The following SLC4A8 variants were observed in gnomAD, a reference collection of about 807,000 sequenced individuals.
The protein encoded by SLC4A8 is solute carrier family 4 member 8, also known as electroneutral sodium bicarbonate exchanger 1.
In SLC4A8, 40 loss-of-function variants were observed where a neutral mutation model predicts 125.0. The ratio of observed to expected loss-of-function variants is 0.32; its 90% CI spans 0.25 to 0.42. The LOEUF is 0.42. Among genes scored for constraint, SLC4A8 ranks in the 10% least tolerant of loss-of-function variants. The pLI, the probability that SLC4A8 is intolerant of heterozygous loss-of-function variation, is 1.00. For missense variants in SLC4A8, 863 were observed against 1,355.1 expected, an observed-to-expected ratio of 0.64 and a Z score of 5.70; for synonymous variants, 456 against 476.0, an observed-to-expected ratio of 0.96 and a Z score of 0.55.
chr12:51,463,410 G>GGGGTGTGTGT (rs898348326), intron 10 of SLC4A8, among the ~76,000 whole-genome samples: 4 of 144,028 alleles, frequency 2.8e-5, no homozygotes, highest in African/African-American at 1.0e-4. Flanking sequence ...GAAATTATGG[G>GGGGTGTGTGT]GTGTGTGTGT....
chr12:51,423,371 G>A (rs1481629480), upstream of SLC4A8, among the ~76,000 whole-genome samples: 1 of 152,146 alleles, frequency 6.6e-6, no homozygotes, highest in Non-Finnish European at 1.5e-5. Context: ...TAACTTTGAA[G>A]GATGGTTAAG....
intron 4 of SLC4A8, among the ~76,000 whole-genome samples, 189 bp from the exon 5 acceptor site, chr12:51,453,350 A>G (rs1241258568): frequency 1.3e-5 from 2 of 152,232 alleles, no homozygotes; most frequent in Non-Finnish European, 2.9e-5. Flanking sequence ...GAATTAAACT[A>G]TACTCAATCT....
At chr12:51,399,734 A>G (rs991929796) in intron 1 of SLC4A8, among the ~76,000 whole-genome samples, 2 of 152,194 alleles carry the variant, frequency 1.3e-5, no homozygotes, top group African/African-American at 4.8e-5. Flanking sequence ...TTGTAATCCC[A>G]GCTCTTTGGA....
At chr12:51,480,203 T>A (rs1950983666) in intron 16 of SLC4A8, 1 of 1,197,496 alleles carries the variant, frequency 8.4e-7, no homozygotes, top group African/African-American at 1.6e-5. Flanking sequence ...CCTCCCAAAA[T>A]GCTGGGATTA....
At chr12:51,480,942 G>A (rs1270342646) in intron 16 of SLC4A8, among the ~76,000 whole-genome samples, 1 of 152,216 alleles carries the variant, frequency 6.6e-6, no homozygotes, top group African/African-American at 2.4e-5. Flanking sequence ...GCAGTTCATA[G>A]TGAGAACACC....
intron 1 of SLC4A8, among the ~76,000 whole-genome samples, chr12:51,394,501 C>T (rs996419293): frequency 1.3e-5 from 2 of 152,184 alleles, no homozygotes; most frequent in African/African-American, 2.4e-5. Context: ...TTTCTGCCTC[C>T]GCTGGTACAG....
At position 51,466,729 on chromosome 12, in the gene SLC4A8, A is replaced by G. The variant is rs181747225; in HGVS notation, c.1350-2885A>G. Among the ~76,000 whole-genome samples the G allele has an allele frequency of 1.6e-4, 24 of 152,306 alleles. 1 individual carries two copies. In the East Asian group the frequency reaches 4.6e-3, roughly 29 times the overall value. ...GAGGCTGACTCCATAAAGTGTTCAG[A>G]AATTATTTTATTAATTTATAGTTAT... On this transcript the variant is annotated intron_variant, in intron 11 of 24. Transcript: ENST00000453097.
intron 1 of SLC4A8, among the ~76,000 whole-genome samples, chr12:51,393,103 T>TTCCTTCTTTTTCTCTTTCTTTCTC (rs1948186660): frequency 7.2e-5 from 11 of 151,902 alleles, no homozygotes; most frequent in African/African-American, 2.7e-4. Context: ...TTCTCTTTCT[T>TTCCTTCTTTTTCTCTTTCTTTCTC]TCCTTCTTTT....
chr12:51,415,069 G>GT (rs1213505268), intron 1 of SLC4A8, among the ~76,000 whole-genome samples: 1 of 151,768 alleles, frequency 6.6e-6, no homozygotes, highest in Non-Finnish European at 1.5e-5. Context: ...TTTGTTGAGG[G>GT]TTTTTTGCCT....
intron 16 of SLC4A8, chr12:51,480,641 C>G (rs1451143140): frequency 3.0e-6 from 3 of 984,922 alleles, no homozygotes; most frequent in Middle Eastern, 5.2e-4. Context: ...GTTCATTGAT[C>G]TAAATGCCCG....
rs539346755 is a variant in SLC4A8, at chr12:51,430,766, T to C, written c.48+5731T>C. ...ATCAGGACACAGAAAAGCAATTGTGTCTATTCTAAATCTGCTGCCAGGTAA... is the reference window on the plus strand; with the variant it reads ...ATCAGGACACAGAAAAGCAATTGTGCCTATTCTAAATCTGCTGCCAGGTAA... On this transcript the variant is annotated intron_variant, in intron 1 of 24. Transcript: ENST00000453097. Among the ~76,000 whole-genome samples the C allele has an allele frequency of 6.6e-5, 10 of 152,348 alleles. No individual in the cohort carries two copies. The South Asian group carries it at 2.1e-3, about 32-fold the overall frequency.
At chr12:51,466,642 G>A (rs1373251259) in intron 11 of SLC4A8, 1 of 152,206 alleles carries the variant, frequency 6.6e-6, no homozygotes, top group East Asian at 1.9e-4. Flanking sequence ...AAGCATCCAT[G>A]CCTGATGAAT....
intron 22 of SLC4A8, among the ~76,000 whole-genome samples, chr12:51,498,647 G>A (rs1592276532): frequency 1.3e-5 from 2 of 149,016 alleles, no homozygotes; most frequent in Non-Finnish European, 3.0e-5. Flanking sequence ...TTGGGAGGCC[G>A]AGGTGGTTGG....
intron 15 of SLC4A8, chr12:51,474,713 A>G: frequency 1.7e-6 from 1 of 578,226 alleles, no homozygotes; most frequent in Non-Finnish European, 3.0e-6. Flanking sequence ...ACCATGCAGG[A>G]CAGGGGGCAG....
intron 1 of SLC4A8, among the ~76,000 whole-genome samples, chr12:51,398,102 T>G (rs4761960): frequency 0.91 from 138,804 of 152,150 alleles, 63,473 homozygotes; most frequent in Non-Finnish European, 0.94. Context: ...CAAGTGAGAA[T>G]TTTATAAGCA....
At chr12:51,504,413 G>T (rs1938076188) in intron 23 of SLC4A8, among the ~76,000 whole-genome samples, 2 of 152,222 alleles carry the variant, frequency 1.3e-5, no homozygotes, top group African/African-American at 2.4e-5. Context: ...TGTGTTGTCA[G>T]TTAACCTGTA....
chr12:51,461,224 G>A lies in SLC4A8; in HGVS notation c.1034G>A (p.Gly345Asp). 6.2e-7 allele frequency: 1 copy of A among 1,611,278 alleles called. No individual in the cohort carries two copies. Among genetic ancestry groups the A allele is most frequent in the Non-Finnish European group, 8.5e-7 (1 of 1,177,688 alleles). The change falls in exon 9 of 25, where the codon GGT becomes GAT. Residue 345 changes from glycine (G) to aspartate (D), a missense_variant. Physicochemically the swap from Gly to Asp is moderately conservative, Grantham distance 94. Transcript: ENST00000453097. ...IPTRFLFILLGPVGKGQQYHE... is the reference protein window; with the variant it reads ...IPTRFLFILLDPVGKGQQYHE... ...GCCAGATTTTTGTTTATCTTATTGG[G>A]TCCAGTAGGGAAAGGTCAGCAGTAC...
intron 4 of SLC4A8, 25 bp from the exon 5 acceptor site, chr12:51,453,514 A>G (rs1223090832): frequency 1.2e-6 from 2 of 1,604,918 alleles, no homozygotes; most frequent in South Asian, 1.1e-5. Flanking sequence ...TATCTTTGGC[A>G]TCTAGTTATT....
At chr12:51,457,313 C>G in intron 5 of SLC4A8, 38 bp from the exon 6 acceptor site, 1 of 1,582,682 alleles carries the variant, frequency 6.3e-7, no homozygotes, top group Non-Finnish European at 8.6e-7. Flanking sequence ...GTTCATTAAC[C>G]CTCAATCTGA....
Sources: gnomAD v4.1 joint callset for allele counts (sites outside exome capture counted in the v4.1 genomes callset) on GRCh38, gnomAD v4.1.1 for gene constraint, MANE v1.5 for transcripts, NCBI Gene and HGNC (gene_info 2026-07-23, HGNC 2026-07-21) for gene names.